The following CLMN variants were observed in gnomAD, a reference collection of about 807,000 sequenced individuals.
The protein encoded by CLMN is calmin, also known as calmin (calponin-like, transmembrane).
In CLMN, 57 loss-of-function variants were observed where a neutral mutation model predicts 92.7. The ratio of observed to expected loss-of-function variants is 0.61; its 90% CI spans 0.50 to 0.77. The LOEUF is 0.77. Ranked by LOEUF, CLMN falls within the 30% of genes least tolerant of loss-of-function variation. CLMN has a pLI of 0.00. For missense variants in CLMN, 1,158 were observed against 1,237.5 expected, an observed-to-expected ratio of 0.94 and a Z score of 0.96; for synonymous variants, 466 against 470.6, an observed-to-expected ratio of 0.99 and a Z score of 0.13.
At chr14:95,260,801 C>A (rs1474160134) in intron 1 of CLMN, among the ~76,000 whole-genome samples, 1 of 152,070 alleles carries the variant, frequency 6.6e-6, no homozygotes, top group Non-Finnish European at 1.5e-5. Flanking sequence ...CTCCATTGTC[C>A]AAATGAAATA....
intron 1 of CLMN, among the ~76,000 whole-genome samples, chr14:95,239,861 G>A (rs745908208): frequency 7.9e-5 from 12 of 152,226 alleles, no homozygotes; most frequent in African/African-American, 2.7e-4. Context: ...ACATTTCAAC[G>A]ATGGACCACA....
chr14:95,221,746 C>T lies in CLMN; in HGVS notation c.269G>A (p.Arg90His), dbSNP rs368293776. The T allele has an allele frequency of 1.5e-5, 25 of 1,613,978 alleles. No individual in the cohort carries two copies. The African/African-American group carries it at 1.7e-4, about 11-fold the overall frequency. ...CGCTATGTTGTTCAACCGAAAAATACGATGCGACGAGGATTTGTATTCGTG... is the reference window on the plus strand; with the variant it reads ...CGCTATGTTGTTCAACCGAAAAATATGATGCGACGAGGATTTGTATTCGTG... ...LLHEYKSSSH[R>H]IFRLNNIAKA... is the part of the protein sequence containing the mutation. The change falls in exon 4 of 13, where the codon CGT (arginine) becomes CAT (histidine). Residue 90 changes from arginine to histidine, a missense_variant. Coordinates refer to ENST00000298912, the MANE Select transcript of CLMN (RefSeq NM_024734.4).
At chr14:95,198,351 C>CA (rs575034111) in intron 9 of CLMN, among the ~76,000 whole-genome samples, 1 of 145,352 alleles carries the variant, frequency 6.9e-6, no homozygotes, top group African/African-American at 2.5e-5. Context: ...CTCCTGGCCT[C>CA]TTTTTTTTTT....
intron 1 of CLMN, among the ~76,000 whole-genome samples, chr14:95,303,540 C>T (rs982115660): frequency 6.6e-6 from 1 of 152,246 alleles, no homozygotes. Context: ...CCAACCCTCA[C>T]GCCTTGGGAC....
Position 95,319,832 on chromosome 14 carries a change from C to CGGCTGGCGCGGAGAGCCTGGCT in CLMN, c.-41_-40insAGCCAGGCTCTCCGCGCCAGCC. ...AGAGCCCGGGCCAGCGCGGCGCGGG[C>CGGCTGGCGCGGAGAGCCTGGCT]GGCGGGCGCGGAGAGCCTGGCTGGC... On this transcript the variant is annotated 5_prime_UTR_variant, in exon 1 of 13. Transcript: ENST00000298912. The CGGCTGGCGCGGAGAGCCTGGCT allele has an allele frequency of 8.0e-7, 1 of 1,244,528 alleles. No individual in the cohort carries two copies. The highest frequency in any genetic ancestry group is 1.0e-6 in the Non-Finnish European group (1 of 982,298). 77.1% of individuals were successfully genotyped at this position (1,244,528 alleles called of 1,614,324 possible). A position where few individuals can be genotyped will look rare whatever the true frequency, so the allele number is the denominator to read the frequency against.
In CLMN at chr14:95,307,525, G is replaced by A. The variant is rs1308586106; in HGVS notation, c.82+12186C>T. ...AATCCCTCACTGACCTCATGGCATTGCGATGTCTCTGTCCCCTACGGGTCA... is the reference window on the plus strand; with the variant it reads ...AATCCCTCACTGACCTCATGGCATTACGATGTCTCTGTCCCCTACGGGTCA... On this transcript the variant is annotated intron_variant, in intron 1 of 12. Transcript: ENST00000298912. The A allele has an allele frequency of 3.3e-5, 5 of 152,476 alleles. No individual in the cohort carries two copies. The East Asian group carries it at 9.6e-4, about 29-fold the overall frequency. 9.4% of individuals were successfully genotyped at this position (152,476 alleles called of 1,614,324 possible). A position where few individuals can be genotyped will look rare whatever the true frequency, so the allele number is the denominator to read the frequency against.
intron 4 of CLMN, among the ~76,000 whole-genome samples, chr14:95,221,270 C>G (rs1897530944): frequency 6.6e-6 from 1 of 152,106 alleles, no homozygotes; most frequent in Admixed American, 6.6e-5. Context: ...AATTTTGTAA[C>G]TTTTTTCCCC....
chr14:95,309,767 C>T (rs1393178825), intron 1 of CLMN, among the ~76,000 whole-genome samples: 1 of 152,242 alleles, frequency 6.6e-6, no homozygotes, highest in African/African-American at 2.4e-5. Flanking sequence ...GGCAGTCCAG[C>T]TGTGCAAATA....
intron 1 of CLMN, among the ~76,000 whole-genome samples, chr14:95,306,373 C>T (rs1901277116): frequency 6.6e-6 from 1 of 152,066 alleles, no homozygotes; most frequent in African/African-American, 2.4e-5. Flanking sequence ...ATTAGCTGGG[C>T]ATGGTGGTGC....
chr14:95,245,194 AATATATATATATAT>A (rs1320281109), intron 1 of CLMN, among the ~76,000 whole-genome samples: 5,188 of 35,352 alleles, frequency 0.15, 482 homozygotes, highest in East Asian at 0.18. Context: ...ATATATATAT[AATATATATATATAT>A]TATATATATA....
At chr14:95,275,724 G>A (rs561229987) in intron 1 of CLMN, among the ~76,000 whole-genome samples, 8 of 152,282 alleles carry the variant, frequency 5.3e-5, no homozygotes, top group African/African-American at 1.2e-4. Context: ...GTGCAATGGC[G>A]TGACGTCGGC....
chr14:95,293,946 G>A (rs939232075), intron 1 of CLMN, among the ~76,000 whole-genome samples: 20 of 152,128 alleles, frequency 1.3e-4, no homozygotes, highest in African/African-American at 9.7e-5. Context: ...CTCACTTAGC[G>A]TTTTAGCTAA....
At chr14:95,253,609 G>GTTTTTTT (rs796784147) in intron 1 of CLMN, among the ~76,000 whole-genome samples, 1 of 112,524 alleles carries the variant, frequency 8.9e-6, no homozygotes, top group African/African-American at 3.8e-5. Context: ...GTGTTTTTTT[G>GTTTTTTT]TTTTTTTGTT....
intron 1 of CLMN, among the ~76,000 whole-genome samples, chr14:95,258,635 G>T (rs1395565356): frequency 1.3e-5 from 2 of 150,052 alleles, no homozygotes; most frequent in African/African-American, 5.0e-5. Flanking sequence ...TGTGTGGTGT[G>T]TGGTGTGTGT....
chr14:95,193,526 C>A, intron 12 of CLMN: 1 of 735,326 alleles, frequency 1.4e-6, no homozygotes, highest in East Asian at 2.7e-5. Context: ...CCTTTGCTAA[C>A]TACCCTATAC....
chr14:95,198,028 A>C (rs558040768), intron 9 of CLMN, among the ~76,000 whole-genome samples: 123 of 144,276 alleles, frequency 8.5e-4, no homozygotes, highest in African/African-American at 2.8e-3. Flanking sequence ...CTGGGAAAAT[A>C]TCTTTTTTTC....
At chr14:95,271,608 G>A (rs1899713285) in intron 1 of CLMN, among the ~76,000 whole-genome samples, 1 of 152,214 alleles carries the variant, frequency 6.6e-6, no homozygotes, top group African/African-American at 2.4e-5. Flanking sequence ...AAAAGGACAA[G>A]AGAACAGAGT....
At chr14:95,268,641 T>C (rs761815726) in intron 1 of CLMN, among the ~76,000 whole-genome samples, 3 of 152,032 alleles carry the variant, frequency 2.0e-5, no homozygotes, top group Non-Finnish European at 4.4e-5. Context: ...CACAAGCACA[T>C]AGATGAGTCC....
Position 95,186,461 on chromosome 14 carries a change from C to A in CLMN, c.*5103G>T, listed in dbSNP as rs1430346121. 6.6e-6 allele frequency: 1 copy of A among 152,230 alleles called. No homozygotes were observed. Among genetic ancestry groups the A allele is most frequent in the Non-Finnish European group, 1.5e-5 (1 of 68,042 alleles). The allele number at this position is 152,230 out of a possible 1,614,324, so 9.4% of individuals were successfully genotyped here. On this transcript the variant is annotated 3_prime_UTR_variant, in exon 13 of 13. Coordinates refer to ENST00000298912, the MANE Select transcript of CLMN (RefSeq NM_024734.4). ...AGGTCTGACCAGGAAGCCCCGACCA[C>A]CTGATCATCAACTATGGCAAGATAC...
Sources: gnomAD v4.1 joint callset for allele counts (sites outside exome capture counted in the v4.1 genomes callset) on GRCh38, gnomAD v4.1.1 for gene constraint, MANE v1.5 for transcripts, NCBI Gene and HGNC (gene_info 2026-07-23, HGNC 2026-07-21) for gene names.